Variants in PPP1R12B observed in about 807,000 individuals in gnomAD.
PPP1R12B encodes the protein protein phosphatase 1 regulatory subunit 12B.
In PPP1R12B, 76 loss-of-function variants were observed where a neutral mutation model predicts 126.1. That is an observed-to-expected ratio of 0.60 (90% CI 0.50 to 0.73). The LOEUF (loss-of-function observed/expected upper bound fraction) is 0.73. Ranked by LOEUF, PPP1R12B falls within the 30% of genes least tolerant of loss-of-function variation. PPP1R12B has a pLI of 0.00. For synonymous variants in PPP1R12B, 356 were observed against 434.7 expected (o/e 0.82, Z 2.25); for missense variants, 1,052 against 1,205.1 (o/e 0.87, Z 1.88).
chr1:202,377,830 G>GTTTTT (rs1661446046), intron 1 of PPP1R12B, among the ~76,000 whole-genome samples: 2 of 99,302 alleles, frequency 2.0e-5, no homozygotes, highest in African/African-American at 9.1e-5. Context: ...TCAAAGACAG[G>GTTTTT]TGTTTTTTTT....
At chr1:202,564,884 A>T (rs546458501) in intron 21 of PPP1R12B, among the ~76,000 whole-genome samples, 1 of 152,264 alleles carries the variant, frequency 6.6e-6, no homozygotes, top group African/African-American at 2.4e-5. Flanking sequence ...ATTATGTTTC[A>T]GTTCAGTTTA....
intron 1 of PPP1R12B, among the ~76,000 whole-genome samples, chr1:202,358,885 AT>A (rs1233251801): frequency 6.6e-6 from 1 of 152,188 alleles, no homozygotes. Flanking sequence ...TTTGGGGAAT[AT>A]TTTATGGTGC....
intron 13 of PPP1R12B, among the ~76,000 whole-genome samples, chr1:202,474,760 A>T (rs1205256466): frequency 3.3e-5 from 5 of 152,296 alleles, no homozygotes; most frequent in Non-Finnish European, 7.3e-5. Context: ...AAATAATTAA[A>T]ATTAAATTTA....
At chr1:202,370,828 G>A (rs9793138) in intron 1 of PPP1R12B, among the ~76,000 whole-genome samples, 62,212 of 151,908 alleles carry the variant, frequency 0.41, 14,733 homozygotes, top group East Asian at 0.7. Context: ...ATCAGCCATC[G>A]TGCCCGGCTG....
intron 1 of PPP1R12B, among the ~76,000 whole-genome samples, chr1:202,372,858 C>G (rs1352843944): frequency 6.6e-6 from 1 of 151,974 alleles, no homozygotes; most frequent in Non-Finnish European, 1.5e-5. Context: ...ATTTGATTTT[C>G]TTACTGAACT....
At position 202,558,215 on chromosome 1, in the gene PPP1R12B, T is replaced by C. The variant is rs576121004; in HGVS notation, c.2491-662T>C. Among the ~76,000 whole-genome samples the C allele has an allele frequency of 1.7e-4, 26 of 152,216 alleles. No homozygotes were observed. The South Asian group carries it at 5.4e-3, about 32-fold the overall frequency. The stretch of plus-strand genomic sequence containing the variant: ...TGTCAAACACAGACATAAGCACTTT[T>C]TGTTGTGTGATTTGTTTACAATGAC... On this transcript the variant is annotated intron_variant, in intron 18 of 23. Transcript: ENST00000608999.
chr1:202,508,271 A>G lies in PPP1R12B; in HGVS notation c.2490+11449A>G, dbSNP rs999908105. Among the ~76,000 whole-genome samples, 14 of 152,362 alleles carry G rather than the reference A, an allele frequency of 9.2e-5. No individual in the cohort carries two copies. Among genetic ancestry groups the G allele is most frequent in the African/African-American group, 3.1e-4 (13 of 41,602 alleles). ...AACCTAGTATGATCCTTTAAGGTACATAAATGTTCACACAGATGTGCCTTC... is the reference window on the plus strand; with the variant it reads ...AACCTAGTATGATCCTTTAAGGTACGTAAATGTTCACACAGATGTGCCTTC... On this transcript the variant is annotated intron_variant, in intron 18 of 23. Transcript: ENST00000608999. This position sits in a 1 kb window ranked among gnomAD's most constrained non-coding sequence, Gnocchi z 4.5.
intron 1 of PPP1R12B, among the ~76,000 whole-genome samples, chr1:202,391,353 G>A (rs1044735684): frequency 3.3e-5 from 5 of 152,134 alleles, no homozygotes; most frequent in African/African-American, 1.2e-4. Flanking sequence ...CCACTAGGAT[G>A]ACTAGAACCA....
chr1:202,562,922 A>T lies in PPP1R12B; in HGVS notation c.2652A>T (p.Lys884Asn). Reference protein sequence around the residue: ...VEEDSNRDYKKLYESALTENQ... With the variant: ...VEEDSNRDYKNLYESALTENQ... ...AAGACAGCAACAGAGATTATAAAAA[A>T]GTAGGGTCTTTATTCAATTTTCCGG... The change falls in exon 20 of 24, where the codon AAA (lysine) becomes AAT (asparagine). Residue 884 changes from lysine (K) to asparagine (N), a missense_variant and splice_region_variant. By Grantham distance (94) the Lys-to-Asn change is moderately conservative (BLOSUM62 0). Transcript: ENST00000608999. 2.6e-6 allele frequency: 4 copies of T among 1,563,768 alleles called. No homozygotes were observed. The highest frequency in any genetic ancestry group is 3.4e-6 in the Non-Finnish European group (4 of 1,159,832).
At chr1:202,378,890 C>T (rs1661728733) in intron 1 of PPP1R12B, among the ~76,000 whole-genome samples, 1 of 152,082 alleles carries the variant, frequency 6.6e-6, no homozygotes, top group African/African-American at 2.4e-5. Flanking sequence ...TTTTTCCCCT[C>T]AGATCCTCTT....
intron 2 of PPP1R12B, among the ~76,000 whole-genome samples, chr1:202,421,115 C>A (rs553851037): frequency 7.9e-5 from 12 of 151,760 alleles, no homozygotes; most frequent in African/African-American, 2.9e-4. Context: ...GCCACCATGC[C>A]CGGCTAAGTT....
At chr1:202,487,073 TA>T (rs1349715879) in intron 13 of PPP1R12B, among the ~76,000 whole-genome samples, 1 of 152,114 alleles carries the variant, frequency 6.6e-6, no homozygotes, top group Non-Finnish European at 1.5e-5. Context: ...AAAATCTATA[TA>T]AAAAGATGGT....
intron 13 of PPP1R12B, among the ~76,000 whole-genome samples, chr1:202,464,561 G>A (rs34985974): frequency 6.6e-6 from 1 of 152,132 alleles, no homozygotes; most frequent in Non-Finnish European, 1.5e-5. Context: ...ACACAAGAGC[G>A]ACAGGTACAA....
chr1:202,443,696 A>G (rs1384359487), intron 12 of PPP1R12B, among the ~76,000 whole-genome samples: 1 of 152,244 alleles, frequency 6.6e-6, no homozygotes, highest in Non-Finnish European at 1.5e-5. Flanking sequence ...TCCTGGATGC[A>G]TTATTATTCA....
intron 1 of PPP1R12B, among the ~76,000 whole-genome samples, chr1:202,353,629 T>TGTGAGAGA (rs540599307): frequency 6.5e-5 from 9 of 138,266 alleles, no homozygotes; most frequent in East Asian, 4.4e-4. Context: ...TGTGTGTGTG[T>TGTGAGAGA]GACAGGGTCT....
At chr1:202,546,148 T>C (rs1685633121) in intron 18 of PPP1R12B, among the ~76,000 whole-genome samples, 1 of 152,180 alleles carries the variant, frequency 6.6e-6, no homozygotes, top group Admixed American at 6.5e-5. Flanking sequence ...GTTAAGGGCC[T>C]AGGCAGAGAT....
At chr1:202,555,648 T>G (rs1686848749) in intron 18 of PPP1R12B, among the ~76,000 whole-genome samples, 1 of 152,082 alleles carries the variant, frequency 6.6e-6, no homozygotes, top group South Asian at 2.1e-4. Context: ...CAGGTCATTT[T>G]TCCATACCTA....
At chr1:202,455,111 CAG>C (rs1208237899) in intron 13 of PPP1R12B, among the ~76,000 whole-genome samples, 11 of 151,880 alleles carry the variant, frequency 7.2e-5, no homozygotes, top group Non-Finnish European at 1.6e-4. Flanking sequence ...TTTGGAGAAA[CAG>C]AGAAGGCATT....
At position 202,439,453 on chromosome 1, in the gene PPP1R12B, C is replaced by A. The variant is rs563455967; in HGVS notation, c.1459-1253C>A. On this transcript the variant is annotated intron_variant, in intron 10 of 23. Transcript: ENST00000608999. ...ATGCTGGGCGACCCCAGCTGGCTGC[C>A]CGCCAAGTGCCCCGGCAAGGGTGCC... The A allele has an allele frequency of 9.5e-5, 133 of 1,400,190 alleles. No individual in the cohort carries two copies. In the African/African-American group the frequency reaches 1.4e-3, roughly 15 times the overall value. The allele number at this position is 1,400,190 out of a possible 1,614,324, so 86.7% of individuals were successfully genotyped here.
Sources: allele counts gnomAD v4.1 joint callset (sites outside exome capture counted in the v4.1 genomes callset), GRCh38; gene constraint gnomAD v4.1.1; non-coding constraint Gnocchi (gnomAD v3.1); transcripts MANE v1.5; gene names NCBI Gene and HGNC (gene_info 2026-07-23, HGNC 2026-07-21).